BLTP3B: variants seen among roughly 807,000 people sequenced by gnomAD.
The protein encoded by BLTP3B is UHRF1 (ICBP90) binding protein 1-like.
chr12:100,057,910 C>T, the BLTP3B span: 1 of 1,318,596 alleles, frequency 7.6e-7, no homozygotes, highest in Non-Finnish European at 1.0e-6. Flanking sequence ...TACTCTTCTA[C>T]ATGTTAACAA....
chr12:100,114,000 C>G, the BLTP3B span, among the ~76,000 whole-genome samples: 2 of 152,118 alleles, frequency 1.3e-5, no homozygotes, highest in Non-Finnish European at 2.9e-5. Flanking sequence ...TTTTTGGACA[C>G]AGAATATGCT....
chr12:100,128,825 T>C, the BLTP3B span: 1 of 1,041,622 alleles, frequency 9.6e-7, no homozygotes, highest in African/African-American at 1.7e-5. Flanking sequence ...TGGTGCCCTT[T>C]GGAAAAAAAA....
the BLTP3B span, among the ~76,000 whole-genome samples, chr12:100,125,861 T>C: frequency 4.6e-4 from 70 of 152,328 alleles, no homozygotes; most frequent in East Asian, 0.012. Context: ...ATCATTGCAA[T>C]ATGTTATGAT....
At chr12:100,070,900 G>C in the BLTP3B span, among the ~76,000 whole-genome samples, 1 of 152,044 alleles carries the variant, frequency 6.6e-6, no homozygotes, top group Non-Finnish European at 1.5e-5. Flanking sequence ...CAGCTACTCA[G>C]GAGAATCACT....
At chr12:100,081,312 T>C in the BLTP3B span, among the ~76,000 whole-genome samples, 1 of 152,208 alleles carries the variant, frequency 6.6e-6, no homozygotes, top group Non-Finnish European at 1.5e-5. Flanking sequence ...GACTTTAATA[T>C]ATTTCAGTGG....
the BLTP3B span, among the ~76,000 whole-genome samples, chr12:100,119,885 G>A: frequency 5.9e-5 from 9 of 152,022 alleles, no homozygotes; most frequent in South Asian, 2.1e-4. Context: ...TAGATTTAAC[G>A]CAACAAAAAA....
the BLTP3B span, among the ~76,000 whole-genome samples, chr12:100,118,015 G>T: frequency 1.3e-5 from 2 of 151,828 alleles, no homozygotes; most frequent in Non-Finnish European, 2.9e-5. Flanking sequence ...TATGTGTATC[G>T]ATTTTATAGA....
chr12:100,121,605 C>A, the BLTP3B span, among the ~76,000 whole-genome samples: 1 of 151,064 alleles, frequency 6.6e-6, no homozygotes, highest in African/African-American at 2.4e-5. Context: ...CCAAGGAGGG[C>A]GGATCACCTG....
chr12:100,046,832 G>C, the BLTP3B span, among the ~76,000 whole-genome samples: 3 of 152,084 alleles, frequency 2.0e-5, no homozygotes, highest in Non-Finnish European at 4.4e-5. Context: ...GAAATAACAA[G>C]GCAAATAAGA....
At chr12:100,099,000 T>TTATTA in the BLTP3B span, among the ~76,000 whole-genome samples, 2 of 146,264 alleles carry the variant, frequency 1.4e-5, no homozygotes, top group African/African-American at 5.2e-5. Flanking sequence ...CATTTTATTA[T>TTATTA]TTTTTTTTTC....
the BLTP3B span, among the ~76,000 whole-genome samples, chr12:100,093,587 T>C: frequency 6.6e-6 from 1 of 152,246 alleles, no homozygotes; most frequent in Non-Finnish European, 1.5e-5. Context: ...CCTGTTCAAA[T>C]CCATCCTAGT....
At chr12:100,069,462 G>GTA in the BLTP3B span, among the ~76,000 whole-genome samples, 11 of 151,860 alleles carry the variant, frequency 7.2e-5, no homozygotes, top group African/African-American at 2.2e-4. Context: ...ATGTGCGTGT[G>GTA]TATATATATG....
chr12:100,072,876 C>T, the BLTP3B span: 2 of 1,501,798 alleles, frequency 1.3e-6, no homozygotes, highest in South Asian at 1.4e-5. Flanking sequence ...ATAATTTATG[C>T]AACCCAGACA....
chr12:100,128,560 A>C, the BLTP3B span: 1 of 1,179,224 alleles, frequency 8.5e-7, no homozygotes, highest in South Asian at 1.6e-5. Flanking sequence ...AAAAAAAAGC[A>C]TGGGGAATAG....
chr12:100,064,327 A>G, the BLTP3B span, among the ~76,000 whole-genome samples: 1 of 152,204 alleles, frequency 6.6e-6, no homozygotes, highest in Non-Finnish European at 1.5e-5. Flanking sequence ...GGTGTTCCTA[A>G]GGAGGAAGAG....
At chr12:100,122,977 T>A in the BLTP3B span, among the ~76,000 whole-genome samples, 2 of 152,204 alleles carry the variant, frequency 1.3e-5, no homozygotes, top group Non-Finnish European at 2.9e-5. Context: ...CCCTAATTCA[T>A]CACCCCTTCA....
chr12:100,044,308 C>A, the BLTP3B span, among the ~76,000 whole-genome samples: 4 of 152,146 alleles, frequency 2.6e-5, no homozygotes, highest in African/African-American at 7.2e-5. Context: ...AGAAGGCTCC[C>A]ACTAACTGTT....
the BLTP3B span, among the ~76,000 whole-genome samples, chr12:100,124,914 C>T: frequency 2.0e-5 from 2 of 98,190 alleles, no homozygotes; most frequent in Non-Finnish European, 2.1e-5. Flanking sequence ...AGAGTGAGAC[C>T]CTGCCTTAAA....
At chr12:100,047,213 A>T in the BLTP3B span, among the ~76,000 whole-genome samples, 1 of 152,162 alleles carries the variant, frequency 6.6e-6, no homozygotes, top group Non-Finnish European at 1.5e-5. Flanking sequence ...ATGGGTTTTC[A>T]TCGGCTGGGC....
Sources: allele counts gnomAD v4.1 joint callset (sites outside exome capture counted in the v4.1 genomes callset), GRCh38; gene constraint gnomAD v4.1.1; transcripts MANE v1.5; gene names NCBI Gene and HGNC (gene_info 2026-07-23, HGNC 2026-07-21).